The following MPV17L2 variants were observed in gnomAD, a reference collection of about 807,000 sequenced individuals.
MPV17L2 encodes the protein MPV17 mitochondrial inner membrane protein like 2.
MPV17L2 carries 25 observed loss-of-function variants against 24.2 expected under a neutral mutation model. The ratio of observed to expected loss-of-function variants is 1.03; its 90% CI spans 0.75 to 1.44. The LOEUF (loss-of-function observed/expected upper bound fraction) is 1.44. Among genes scored for constraint, MPV17L2 ranks in the 40% most tolerant of loss-of-function variants. The pLI is 0.00. For missense variants in MPV17L2, 271 were observed against 276.2 expected, an observed-to-expected ratio of 0.98 and a Z score of 0.13; for synonymous variants, 130 against 121.4, an observed-to-expected ratio of 1.07 and a Z score of -0.46.
chr19:18,195,258 A>C (rs1600022461), intron 4 of MPV17L2, among the ~76,000 whole-genome samples, 172 bp downstream of exon 4: 1 of 152,200 alleles, frequency 6.6e-6, no homozygotes, highest in Non-Finnish European at 1.5e-5. Context: ...GTTAAGACCC[A>C]GCCGTGGCTG....
At position 18,196,001 on chromosome 19, in the gene MPV17L2, C is replaced by T. The variant is rs756422736; in HGVS notation, c.567C>T (p.Ser189=). 5.0e-6 allele frequency: 8 copies of T among 1,607,426 alleles called. No individual in the cohort carries two copies. The highest frequency in any genetic ancestry group is 6.8e-6 in the Non-Finnish European group (8 of 1,175,796). The change falls in exon 5 of 5, where the codon AGC becomes AGT. Residue 189 remains serine, a splice_region_variant and synonymous_variant. Coordinates refer to ENST00000599612, the MANE Select transcript of MPV17L2 (RefSeq NM_032683.3). ...GATGCCTTGTCTTGTGTGGACAGAG[C>T]CCAGTTCCTCTGACACCCCCAGGCT... ...DTYLSYLKYR[S]PVPLTPPGCV... is the part of the protein sequence containing the mutation.
rs1967480306 is a variant in MPV17L2 at position 18,194,752 on chromosome 19, T to C, written c.359-25T>C. ...AACAGTACTTCCTGGCCTCTAACAC[T>C]CTCATTTCTTGGTTTGCTTCCCAGG... is the stretch of plus-strand genomic sequence containing the variant. On this transcript the variant is annotated intron_variant, in intron 2 of 4. Coordinates refer to ENST00000599612, the MANE Select transcript of MPV17L2 (RefSeq NM_032683.3). 5 of 1,587,392 alleles carry C rather than the reference T, an allele frequency of 3.1e-6. No homozygotes were observed. In the South Asian group the frequency reaches 4.6e-5, roughly 14 times the overall value.
chr19:18,194,880 T>G, intron 3 of MPV17L2, 27 bp downstream of exon 3: 2 of 1,597,478 alleles, frequency 1.3e-6, no homozygotes, highest in Non-Finnish European at 1.7e-6. Flanking sequence ...CTTGCACATG[T>G]CCGGCCCCGC....
In MPV17L2 at chr19:18,194,941, C is replaced by A; in HGVS notation, c.436-17C>A. The A allele has an allele frequency of 4.3e-6, 7 of 1,609,656 alleles. No individual in the cohort carries two copies. The highest frequency in any genetic ancestry group is 5.9e-6 in the Non-Finnish European group (7 of 1,177,298). ...CCAGCTCTGGCCCCGCCCCTCATCC[C>A]CCGCCTCTCCCCGCAGGCAGACTGG... On this transcript the variant is annotated splice_polypyrimidine_tract_variant and intron_variant, in intron 3 of 4. Coordinates refer to ENST00000599612, the MANE Select transcript of MPV17L2 (RefSeq NM_032683.3).
At chr19:18,193,700 G>C in intron 1 of MPV17L2, 164 bp from the exon 2 acceptor site, 1 of 1,444,782 alleles carries the variant, frequency 6.9e-7, no homozygotes, top group South Asian at 1.5e-5. Context: ...TCCTGGTGGG[G>C]CTTGTAGTGG....
chr19:18,196,334 G>A lies in MPV17L2; in HGVS notation c.*279G>A. 8.6e-6 allele frequency: 12 copies of A among 1,401,314 alleles called. No individual in the cohort carries two copies. Among genetic ancestry groups the A allele is most frequent in the Non-Finnish European group, 1.1e-5 (12 of 1,060,720 alleles). 86.8% of individuals were successfully genotyped at this position (1,401,314 alleles called of 1,614,324 possible). ...CAAGATGTCCCATCCTCAGCACAGG[G>A]CCCACTCTGCCAACCAGTCTCAAGC... On this transcript the variant is annotated 3_prime_UTR_variant, in exon 5 of 5. Transcript: ENST00000599612.
intron 4 of MPV17L2, 96 bp from the exon 5 acceptor site, chr19:18,195,903 C>A: frequency 8.3e-7 from 1 of 1,203,920 alleles, no homozygotes; most frequent in Non-Finnish European, 1.2e-6. Flanking sequence ...CCTGCCAAGT[C>A]TGTTGAGCAG....
At chr19:18,195,858 C>G (rs1967508316) in intron 4 of MPV17L2, 141 bp from the exon 5 acceptor site, 1 of 757,142 alleles carries the variant, frequency 1.3e-6, no homozygotes, top group African/African-American at 1.8e-5. Flanking sequence ...AAGACCCAAC[C>G]CTTCTCTGCT....
In MPV17L2 at chr19:18,196,860, G is replaced by A. The variant is rs1037024376; in HGVS notation, c.*805G>A. 1 of 203,186 alleles carries A rather than the reference G, an allele frequency of 4.9e-6. No homozygotes were observed. Among genetic ancestry groups the A allele is most frequent in the African/African-American group, 2.3e-5 (1 of 42,566 alleles). The allele number at this position is 203,186 out of a possible 1,614,324, so 12.6% of individuals were successfully genotyped here. ...TTGTCATGACATCTCCTAAGGAACT[G>A]GGGGGCACGTTTGACACTCATGAGG... On this transcript the variant is annotated 3_prime_UTR_variant, in exon 5 of 5. Coordinates refer to ENST00000599612, the MANE Select transcript of MPV17L2 (RefSeq NM_032683.3).
intron 4 of MPV17L2, 128 bp from the exon 5 acceptor site, chr19:18,195,871 C>A: frequency 1.2e-6 from 1 of 836,458 alleles, no homozygotes; most frequent in Non-Finnish European, 1.9e-6. Flanking sequence ...TCTCTGCTGT[C>A]TGATGTGACC....
At position 18,196,256 on chromosome 19, in the gene MPV17L2, A is replaced by G; in HGVS notation, c.*201A>G. On this transcript the variant is annotated 3_prime_UTR_variant, in exon 5 of 5. Transcript: ENST00000599612. The stretch of plus-strand genomic sequence containing the variant: ...CCTCAACCGGAACACACCCATGAAG[A>G]TGGATGATCATCCCCTAGCCCTTCT... 2.0e-6 allele frequency: 3 copies of G among 1,518,604 alleles called. No individual in the cohort carries two copies. The highest frequency in any genetic ancestry group is 2.4e-5 in the South Asian group (2 of 83,108). 94.1% of individuals were successfully genotyped at this position (1,518,604 alleles called of 1,614,324 possible).
At chr19:18,195,176 G>A (rs552329533) in intron 4 of MPV17L2, 90 bp downstream of exon 4, 109 of 1,530,014 alleles carry the variant, frequency 7.1e-5, no homozygotes, top group Non-Finnish European at 9.1e-5. Context: ...AGCCACCCTG[G>A]AGGGTGGGAG....
At chr19:18,193,592 T>C in intron 1 of MPV17L2, 124 bp downstream of exon 1, 1 of 1,401,984 alleles carries the variant, frequency 7.1e-7, no homozygotes, top group Non-Finnish European at 9.3e-7. Context: ...TGACCGCGCC[T>C]CTCCCCGGGT....
Position 18,193,338 on chromosome 19 carries a change from A to G in MPV17L2, c.57A>G (p.Leu19=), listed in dbSNP as rs757895300. 3 of 1,563,954 alleles carry G rather than the reference A, an allele frequency of 1.9e-6. No individual in the cohort carries two copies. The highest frequency in any genetic ancestry group is 2.4e-5 in the East Asian group (1 of 41,006). The change falls in exon 1 of 5, where the codon CTA becomes CTG. Residue 19 remains leucine, a synonymous_variant. Coordinates refer to ENST00000599612, the MANE Select transcript of MPV17L2 (RefSeq NM_032683.3). ...GCCTGTTATCCGCGGGGCAGCTTCT[A>G]TTCCAGGGCCGCGCGCTGCTCGTCA... ...LRRLLSAGQL[L]FQGRALLVTN...
Position 18,196,102 on chromosome 19 carries a change from AC to A in MPV17L2, c.*52del. On this transcript the variant is annotated 3_prime_UTR_variant, in exon 5 of 5. Coordinates refer to ENST00000599612, the MANE Select transcript of MPV17L2 (RefSeq NM_032683.3). ...ATGCAAGACTGTCTCCTGGCGGACC[AC>A]CCCCTCTGACAGAAGGGGAATGGGC... 1 of 1,613,010 alleles carries A rather than the reference AC, an allele frequency of 6.2e-7. No individual in the cohort carries two copies. Among genetic ancestry groups the A allele is most frequent in the Non-Finnish European group, 8.5e-7 (1 of 1,179,818 alleles).
chr19:18,195,187 T>G (rs1600022273), intron 4 of MPV17L2, 101 bp downstream of exon 4: 1 of 1,504,234 alleles, frequency 6.6e-7, no homozygotes, highest in African/African-American at 1.4e-5. Context: ...AGGGTGGGAG[T>G]CTCCTGTGCT....
intron 2 of MPV17L2, 102 bp downstream of exon 2, chr19:18,194,136 C>G: frequency 7.3e-7 from 1 of 1,366,836 alleles, no homozygotes; most frequent in Non-Finnish European, 1.0e-6. Context: ...CAATTTGCCC[C>G]CTGTTTGGGT....
chr19:18,193,708 TG>T, intron 1 of MPV17L2, 155 bp from the exon 2 acceptor site: 2 of 1,451,392 alleles, frequency 1.4e-6, no homozygotes, highest in African/African-American at 2.8e-5. Context: ...GGGCTTGTAG[TG>T]GAAGAATGCA....
chr19:18,193,570 G>A, intron 1 of MPV17L2, 102 bp downstream of exon 1: 1 of 1,412,436 alleles, frequency 7.1e-7, no homozygotes, highest in Non-Finnish European at 9.2e-7. Flanking sequence ...GTCCCCCGCA[G>A]GACCCTTGCC....
Sources: allele counts gnomAD v4.1 joint callset (sites outside exome capture counted in the v4.1 genomes callset), GRCh38; gene constraint gnomAD v4.1.1; transcripts MANE v1.5; gene names NCBI Gene and HGNC (gene_info 2026-07-23, HGNC 2026-07-21).